Variants in BCAR3 observed in about 807,000 individuals in gnomAD.
BCAR3 encodes BCAR3 adaptor protein, NSP family member.
Under a neutral mutation model 80.1 loss-of-function variants are expected in BCAR3, and 37 were observed. The ratio of observed to expected loss-of-function variants is 0.46; its 90% CI spans 0.36 to 0.61. BCAR3 has a LOEUF of 0.61. Ranked by LOEUF, BCAR3 falls within the 20% of genes least tolerant of loss-of-function variation. The pLI is 0.00. For missense variants in BCAR3, 978 were observed against 1,068.2 expected, an observed-to-expected ratio of 0.92 and a Z score of 1.18; for synonymous variants, 389 against 418.9, an observed-to-expected ratio of 0.93 and a Z score of 0.87.
chr1:93,623,453 CAGA>C (rs1675370651), intron 3 of BCAR3, among the ~76,000 whole-genome samples: 1 of 152,170 alleles, frequency 6.6e-6, no homozygotes. Flanking sequence ...TGAGACCAAA[CAGA>C]GTCCTTCCCT....
chr1:93,661,063 G>C (rs1647628581), intron 2 of BCAR3, among the ~76,000 whole-genome samples: 1 of 150,498 alleles, frequency 6.6e-6, no homozygotes, highest in South Asian at 2.1e-4. Flanking sequence ...TTTTGAGATG[G>C]AGTTTTGCTC....
At chr1:93,565,564 C>T (rs1231206535) in intron 11 of BCAR3, among the ~76,000 whole-genome samples, 1 of 152,164 alleles carries the variant, frequency 6.6e-6, no homozygotes, top group Non-Finnish European at 1.5e-5. Flanking sequence ...TGTAGAGCAG[C>T]TTATGGCACA....
intron 2 of BCAR3, among the ~76,000 whole-genome samples, chr1:93,659,490 G>C (rs552808771): frequency 6.6e-6 from 1 of 152,008 alleles, no homozygotes; most frequent in African/African-American, 2.4e-5. Context: ...ACCATGCCTG[G>C]CCAGCAACCG....
chr1:93,587,444 A>C (rs1191746732), intron 5 of BCAR3, among the ~76,000 whole-genome samples: 4 of 152,156 alleles, frequency 2.6e-5, no homozygotes, highest in Non-Finnish European at 4.4e-5. Context: ...ACACCTCACA[A>C]GCTCCATCTT....
At chr1:93,642,387 C>T (rs757725161) in intron 2 of BCAR3, 44 bp from the exon 3 acceptor site, 2 of 1,537,968 alleles carry the variant, frequency 1.3e-6, no homozygotes, top group East Asian at 2.2e-5. Context: ...GGGAACGATG[C>T]ATTCTTACAT....
At chr1:93,652,190 A>AG (rs534959706) in intron 2 of BCAR3, among the ~76,000 whole-genome samples, 1 of 152,198 alleles carries the variant, frequency 6.6e-6, no homozygotes, top group Non-Finnish European at 1.5e-5. Flanking sequence ...AGCAAACAGG[A>AG]GTTCAAGTGT....
intron 2 of BCAR3, among the ~76,000 whole-genome samples, chr1:93,669,973 A>T (rs1648129634): frequency 6.6e-6 from 1 of 152,126 alleles, no homozygotes; most frequent in South Asian, 2.1e-4. Flanking sequence ...AAAGACTACA[A>T]ATAGGGTGCA....
intron 8 of BCAR3, among the ~76,000 whole-genome samples, chr1:93,573,618 A>ATTT (rs1557838263): frequency 1.4e-5 from 2 of 138,252 alleles, no homozygotes; most frequent in Non-Finnish European, 3.1e-5. Context: ...TTTTATTATT[A>ATTT]TTATTATTAT....
intron 2 of BCAR3, among the ~76,000 whole-genome samples, chr1:93,819,013 G>A (rs1557698667): frequency 6.6e-6 from 1 of 151,878 alleles, no homozygotes; most frequent in South Asian, 2.1e-4. Context: ...TTATAATAAT[G>A]TTGAGATAGA....
intron 3 of BCAR3, among the ~76,000 whole-genome samples, chr1:93,596,546 T>C (rs1245074812): frequency 6.6e-6 from 1 of 152,200 alleles, no homozygotes; most frequent in Non-Finnish European, 1.5e-5. Context: ...CTTAGAAAGT[T>C]GACATTGAGT....
At chr1:93,644,884 C>T (rs1267577059) in intron 2 of BCAR3, among the ~76,000 whole-genome samples, 1 of 152,172 alleles carries the variant, frequency 6.6e-6, no homozygotes, top group East Asian at 1.9e-4. Flanking sequence ...GCTGATTTTT[C>T]TCCTAGGAAG....
chr1:93,753,511 C>T (rs1304247954), intron 2 of BCAR3: 1 of 152,306 alleles, frequency 6.6e-6, no homozygotes, highest in East Asian at 1.9e-4. Context: ...GGTATGCAGA[C>T]CCTGCACTGC....
chr1:93,673,261 G>A (rs1445109490), intron 2 of BCAR3, among the ~76,000 whole-genome samples: 5 of 152,168 alleles, frequency 3.3e-5, no homozygotes, highest in Non-Finnish European at 7.3e-5. Context: ...GGAAGATATT[G>A]CTTCAGATGC....
upstream of BCAR3, among the ~76,000 whole-genome samples, chr1:93,684,511 A>G (rs1050273109): frequency 6.6e-6 from 1 of 152,238 alleles, no homozygotes; most frequent in Non-Finnish European, 1.5e-5. Context: ...TTCATTAATT[A>G]TCACTAGAAT....
intron 2 of BCAR3, among the ~76,000 whole-genome samples, chr1:93,840,993 G>A (rs1654941703): frequency 6.6e-6 from 1 of 152,116 alleles, no homozygotes; most frequent in African/African-American, 2.4e-5. Flanking sequence ...CCCCCAAGAT[G>A]CTTATTGTCT....
At chr1:93,711,761 G>A (rs1650030652) in intron 2 of BCAR3, among the ~76,000 whole-genome samples, 1 of 152,124 alleles carries the variant, frequency 6.6e-6, no homozygotes, top group Non-Finnish European at 1.5e-5. Context: ...TTTACCTTTA[G>A]TTGTCCTCAT....
intron 8 of BCAR3, among the ~76,000 whole-genome samples, chr1:93,574,279 G>T (rs1410960380): frequency 6.6e-6 from 1 of 152,220 alleles, no homozygotes; most frequent in African/African-American, 2.4e-5. Context: ...CAGTATGCCT[G>T]GAATGGGTGA....
chr1:93,592,205 T>C lies in BCAR3; in HGVS notation c.486+60A>G, dbSNP rs1330339958. The C allele has an allele frequency of 6.2e-7, 1 of 1,603,168 alleles. No individual in the cohort carries two copies. Among genetic ancestry groups the C allele is most frequent in the Non-Finnish European group, 8.5e-7 (1 of 1,177,024 alleles). On this transcript the variant is annotated intron_variant, in intron 4 of 11. Coordinates refer to ENST00000260502, the MANE Select transcript of BCAR3 (RefSeq NM_003567.4). The surrounding 1 kb of genome is among the most constrained non-coding windows in gnomAD (Gnocchi z 4.8). The stretch of plus-strand genomic sequence containing the variant: ...CCTCGGAGTGGGACCCTGCGGGTCA[T>C]CAATCTGTACATTGCCTGAGAGCAG...
Position 93,582,300 on chromosome 1 carries a change from C to T in BCAR3, c.1686+1G>A. 1 of 1,611,416 alleles carries T rather than the reference C, an allele frequency of 6.2e-7. No homozygotes were observed. On this transcript the variant is annotated splice_donor_variant, in intron 7 of 11. Transcript: ENST00000260502. LOFTEE classifies it high-confidence loss of function. ...GGAGCACCAGGACCCCCAGCGCTTA[C>T]CCTGCAGTCCATGCTCAGTACGTGC...
Sources: allele counts gnomAD v4.1 joint callset (sites outside exome capture counted in the v4.1 genomes callset), GRCh38; gene constraint gnomAD v4.1.1; non-coding constraint Gnocchi (gnomAD v3.1); transcripts MANE v1.5; gene names NCBI Gene and HGNC (gene_info 2026-07-23, HGNC 2026-07-21).